PCSK5: variants seen among roughly 807,000 people sequenced by gnomAD.
PCSK5 encodes the protein proprotein convertase subtilisin/kexin type 5, also known as prohormone convertase 5.
A neutral mutation model predicts 233.2 loss-of-function variants in PCSK5; 129 were observed. The observed-to-expected ratio is 0.55, with a 90% CI of 0.48 to 0.64. PCSK5 has a LOEUF of 0.64. PCSK5 is among the 30% of genes least tolerant of loss of function. The pLI is 0.00. For missense variants in PCSK5, 2,076 were observed against 2,430.1 expected, an observed-to-expected ratio of 0.85 and a Z score of 3.06; for synonymous variants, 825 against 879.2, an observed-to-expected ratio of 0.94 and a Z score of 1.09.
intron 2 of PCSK5, among the ~76,000 whole-genome samples, chr9:75,964,006 C>A (rs1001964313): frequency 6.6e-6 from 1 of 152,220 alleles, no homozygotes; most frequent in Non-Finnish European, 1.5e-5. Flanking sequence ...TTTGCTTAAC[C>A]TTTTTGAATC....
intron 2 of PCSK5, among the ~76,000 whole-genome samples, chr9:75,959,773 A>G (rs1403903139): frequency 2.0e-5 from 3 of 152,218 alleles, no homozygotes; most frequent in Non-Finnish European, 2.9e-5. Context: ...TTCAACTGAA[A>G]AGACTATTTA....
chr9:75,997,680 G>A (rs1336877170), intron 3 of PCSK5, among the ~76,000 whole-genome samples: 1 of 152,128 alleles, frequency 6.6e-6, no homozygotes, highest in East Asian at 1.9e-4. Context: ...AGAATGCAGA[G>A]GTGTTATTTT....
In PCSK5 at chr9:76,275,517, C is replaced by T. The variant is rs538267022; in HGVS notation, c.3143-16716C>T. 8.5e-5 allele frequency among the ~76,000 whole-genome samples: 13 copies of T among 152,284 alleles called. No individual in the cohort carries two copies. The South Asian group carries it at 2.3e-3, about 27-fold the overall frequency. ...TTGGCTTACTGCAACCTCCGCCTCT[C>T]GGATTCAAGTGATTCTCCTGCCTCA... On this transcript the variant is annotated intron_variant, in intron 24 of 37. Coordinates refer to ENST00000674117, the MANE Select transcript of PCSK5 (RefSeq NM_001372043.1).
At chr9:76,132,927 T>C (rs1441831939) in intron 9 of PCSK5, among the ~76,000 whole-genome samples, 1 of 151,920 alleles carries the variant, frequency 6.6e-6, no homozygotes, top group East Asian at 1.9e-4. Context: ...AAAAATGTAG[T>C]ATAAAGTGAA....
intron 25 of PCSK5, among the ~76,000 whole-genome samples, chr9:76,293,507 T>C (rs1828341842): frequency 6.6e-6 from 1 of 152,234 alleles, no homozygotes; most frequent in South Asian, 2.1e-4. Context: ...TGGAGTGCAG[T>C]GGCACGATGT....
chr9:75,978,073 T>C (rs921003647), intron 2 of PCSK5, among the ~76,000 whole-genome samples: 2 of 152,198 alleles, frequency 1.3e-5, no homozygotes, highest in Non-Finnish European at 2.9e-5. Flanking sequence ...GTTGTTGAAA[T>C]ACGAAACATT....
intron 7 of PCSK5, 36 bp downstream of exon 7, chr9:76,071,934 G>A (rs1390495631): frequency 1.3e-6 from 2 of 1,557,258 alleles, no homozygotes; most frequent in East Asian, 4.6e-5. Flanking sequence ...ATACTGTGTG[G>A]ATGGGTGATG....
intron 10 of PCSK5, among the ~76,000 whole-genome samples, chr9:76,141,145 G>A (rs1215992728): frequency 6.6e-6 from 1 of 152,066 alleles, no homozygotes; most frequent in Non-Finnish European, 1.5e-5. Context: ...GTCCAAAAGT[G>A]TATTTTGACT....
intron 24 of PCSK5, among the ~76,000 whole-genome samples, chr9:76,240,974 C>G (rs529218404): frequency 6.6e-6 from 1 of 152,330 alleles, no homozygotes; most frequent in South Asian, 2.1e-4. Flanking sequence ...TACTGACCAG[C>G]AACCGCATTT....
intron 8 of PCSK5, among the ~76,000 whole-genome samples, chr9:76,099,432 C>T (rs1226898404): frequency 6.6e-6 from 1 of 152,302 alleles, no homozygotes; most frequent in East Asian, 1.9e-4. Flanking sequence ...GTCGCATTGT[C>T]GCCTAAGCTC....
Position 76,134,165 on chromosome 9 carries a change from G to A in PCSK5, c.1265G>A (p.Gly422Glu). Residue 422 changes from glycine (G) to glutamate (E), a missense_variant, in exon 10 of 38, where the codon GGA (glycine) becomes GAA (glutamate). Around this residue, in one of 6 missense-constraint regions of PCSK5, gnomAD observed 178 missense variants for 393.6 expected, o/e 0.45. Transcript: ENST00000674117. Reference sequence around the variant, plus strand: ...GTTATTGTCAGGACTTCCCGTGCGGGACATTTGAACGCTAATGACTGGAAA... The same window carrying A: ...GTTATTGTCAGGACTTCCCGTGCGGAACATTTGAACGCTAATGACTGGAAA... ...QHVIVRTSRAGHLNANDWKTN... is the reference protein window; with the variant it reads ...QHVIVRTSRAEHLNANDWKTN... The A allele has an allele frequency of 1.2e-6, 2 of 1,610,464 alleles. No homozygotes were observed. Among genetic ancestry groups the A allele is most frequent in the Admixed American group, 1.7e-5 (1 of 59,448 alleles).
intron 24 of PCSK5, among the ~76,000 whole-genome samples, chr9:76,250,077 C>T (rs1465522091): frequency 1.3e-5 from 2 of 152,150 alleles, no homozygotes; most frequent in Admixed American, 6.5e-5. Flanking sequence ...GAGGCTGAGG[C>T]AGGCAGATCA....
At position 76,174,192 on chromosome 9, in the gene PCSK5, T is replaced by A. The variant is rs115416895; in HGVS notation, c.1757-794T>A. 5.9e-3 allele frequency among the ~76,000 whole-genome samples: 900 copies of A among 152,254 alleles called. 9 individuals carry two copies. The highest frequency in any genetic ancestry group is 0.02 in the African/African-American group (849 of 41,534). ...GCTATCACATTGGACAGCACAGGTC[T>A]ATAGGACAGTATAATTAGTGATGTT... On this transcript the variant is annotated intron_variant, in intron 13 of 37. Transcript: ENST00000674117.
intron 5 of PCSK5, among the ~76,000 whole-genome samples, chr9:76,063,166 G>A (rs1830093622): frequency 1.3e-5 from 2 of 150,006 alleles, no homozygotes. Flanking sequence ...ACAGGGTCTT[G>A]CTCTGTCAGC....
In PCSK5 at chr9:76,310,744, G is replaced by A. The variant is rs372323383; in HGVS notation, c.3777G>A (p.Thr1259=). 13 of 1,612,248 alleles carry A rather than the reference G, an allele frequency of 8.1e-6. No individual in the cohort carries two copies. Among genetic ancestry groups the A allele is most frequent in the East Asian group, 2.2e-5 (1 of 44,840 alleles). ...SVRSGSCENC[T]EACAICSGAD... is the part of the protein sequence containing the mutation. The stretch of plus-strand genomic sequence containing the variant: ...GGAGTGGGAGCTGCGAGAACTGTAC[G>A]GAGGCCTGTGCCATCTGCTCTGGAG... Residue 1259 remains threonine (T), a synonymous_variant, in exon 30 of 38, where the codon ACG becomes ACA. Transcript: ENST00000674117.
chr9:76,117,306 G>A (rs1249095076), intron 9 of PCSK5, among the ~76,000 whole-genome samples: 1 of 151,988 alleles, frequency 6.6e-6, no homozygotes. Flanking sequence ...TTCAGTCAAG[G>A]GAGGCAGAGA....
chr9:75,941,179 C>T (rs11144690), intron 2 of PCSK5, among the ~76,000 whole-genome samples: 10,202 of 152,138 alleles, frequency 0.067, 455 homozygotes, highest in East Asian at 0.24. Context: ...ACGTGCTGCT[C>T]TTCAGTTTTA....
At chr9:75,989,068 T>C (rs1826650816) in intron 3 of PCSK5, among the ~76,000 whole-genome samples, 1 of 152,166 alleles carries the variant, frequency 6.6e-6, no homozygotes, top group Non-Finnish European at 1.5e-5. Flanking sequence ...TTTCCCTTAA[T>C]AAAAGGGATG....
At chr9:76,039,687 T>C (rs1829011206) in intron 5 of PCSK5, among the ~76,000 whole-genome samples, 1 of 152,214 alleles carries the variant, frequency 6.6e-6, no homozygotes, top group Non-Finnish European at 1.5e-5. Context: ...TTACAATGAT[T>C]TTAAAAATGC....
Sources: allele counts gnomAD v4.1 joint callset (sites outside exome capture counted in the v4.1 genomes callset), GRCh38; gene constraint gnomAD v4.1.1; regional missense constraint gnomAD v4.1.1; transcripts MANE v1.5; gene names NCBI Gene and HGNC (gene_info 2026-07-23, HGNC 2026-07-21).